The following STEAP3 variants were observed in gnomAD, a reference collection of about 807,000 sequenced individuals.
The protein encoded by STEAP3 is STEAP3 metalloreductase, also known as metalloreductase STEAP3.
Under a neutral mutation model 34.9 loss-of-function variants are expected in STEAP3, and 35 were observed. The ratio of observed to expected loss-of-function variants is 1.00; its 90% CI spans 0.76 to 1.33. The LOEUF (loss-of-function observed/expected upper bound fraction) is 1.33. Among genes scored for constraint, STEAP3 ranks in the 40% most tolerant of loss-of-function variants. The pLI, the probability that STEAP3 is intolerant of heterozygous loss-of-function variation, is 0.00. For synonymous variants in STEAP3, 281 were observed against 301.6 expected (o/e 0.93, Z 0.71); for missense variants, 652 against 667.6 (o/e 0.98, Z 0.26).
chr2:119,235,263 G>T (rs998784820), intron 2 of STEAP3, among the ~76,000 whole-genome samples: 1 of 152,206 alleles, frequency 6.6e-6, no homozygotes, highest in Non-Finnish European at 1.5e-5. Flanking sequence ...CCAGCTCTGG[G>T]CAGCCAAGGG....
chr2:119,227,351 A>G (rs1490416262), intron 1 of STEAP3, among the ~76,000 whole-genome samples: 1 of 152,160 alleles, frequency 6.6e-6, no homozygotes, highest in Non-Finnish European at 1.5e-5. Flanking sequence ...GTTCCTCTTC[A>G]GGTGTGGCCT....
chr2:119,247,538 C>A, intron 3 of STEAP3, 141 bp from the exon 4 acceptor site: 1 of 1,006,706 alleles, frequency 9.9e-7, no homozygotes, highest in Non-Finnish European at 1.4e-6. Context: ...ACCCCATTGG[C>A]TCCCACCTGT....
In STEAP3 at chr2:119,245,867, A is replaced by G; in HGVS notation, c.401A>G (p.Gln134Arg). 6.2e-7 allele frequency: 1 copy of G among 1,614,196 alleles called. No individual in the cohort carries two copies. Among genetic ancestry groups the G allele is most frequent in the Non-Finnish European group, 8.5e-7 (1 of 1,180,046 alleles). ...VSNPTEQEHL[Q>R]HRESNAEYLA... ...AACCCTACAGAGCAAGAGCACCTTCAGCATCGTGAGTCCAATGCTGAGTAC... is the reference window on the plus strand; with the variant it reads ...AACCCTACAGAGCAAGAGCACCTTCGGCATCGTGAGTCCAATGCTGAGTAC... Residue 134 changes from glutamine to arginine, a missense_variant, in exon 3 of 6, where the codon CAG becomes CGG. Gln to Arg is a conservative substitution (Grantham distance 43). Transcript: ENST00000393110.
At chr2:119,244,226 AT>A (rs1484846567) in intron 2 of STEAP3, among the ~76,000 whole-genome samples, 1 of 634 alleles carries the variant, frequency 1.6e-3, no homozygotes. Flanking sequence ...TTTTATTATT[AT>A]TATTATTATT....
intron 5 of STEAP3, among the ~76,000 whole-genome samples, chr2:119,260,964 G>C (rs962126228): frequency 9.2e-5 from 14 of 152,168 alleles, no homozygotes; most frequent in African/African-American, 2.9e-4. Flanking sequence ...GGTTTTATTT[G>C]GTTATTTTAC....
At chr2:119,260,988 TGTTGAAC>T (rs1250210520) in intron 5 of STEAP3, among the ~76,000 whole-genome samples, 1 of 152,210 alleles carries the variant, frequency 6.6e-6, no homozygotes, top group Non-Finnish European at 1.5e-5. Context: ...GGCCCAAGAA[TGTTGAAC>T]GTGAGAACCT....
At chr2:119,247,553 T>C (rs1429805127) in intron 3 of STEAP3, 126 bp from the exon 4 acceptor site, 15 of 1,141,316 alleles carry the variant, frequency 1.3e-5, no homozygotes, top group Admixed American at 5.8e-5. Context: ...ACCTGTACCA[T>C]TGACTGGCAG....
intron 2 of STEAP3, among the ~76,000 whole-genome samples, chr2:119,238,803 C>G (rs771787691): frequency 1.3e-5 from 2 of 152,120 alleles, no homozygotes; most frequent in Non-Finnish European, 2.9e-5. Context: ...TGATTTTGTA[C>G]TGCATTTTGG....
chr2:119,262,912 G>T (rs1465190293), intron 5 of STEAP3, 145 bp from the exon 6 acceptor site: 2 of 1,019,148 alleles, frequency 2.0e-6, no homozygotes, highest in Admixed American at 4.2e-5. Flanking sequence ...CACTAAGAGA[G>T]TGACAGGACT....
In STEAP3 at chr2:119,245,882, A is replaced by G. The variant is rs769407405; in HGVS notation, c.416A>G (p.Asn139Ser). The G allele has an allele frequency of 4.4e-5, 71 of 1,614,114 alleles. 1 individual carries two copies. The highest frequency in any genetic ancestry group is 1.6e-4 in the Middle Eastern group (1 of 6,062). The change falls in exon 3 of 6, where the codon AAT becomes AGT. Residue 139 changes from asparagine (N) to serine (S), a missense_variant. Transcript: ENST00000393110. ...GAGCACCTTCAGCATCGTGAGTCCA[A>G]TGCTGAGTACCTGGCCTCCCTCTTC... ...EQEHLQHRES[N>S]AEYLASLFPT...
At position 119,251,733 on chromosome 2, in the gene STEAP3, C is replaced by T. The variant is rs1016723355; in HGVS notation, c.1051-2951C>T. Among the ~76,000 whole-genome samples the T allele has an allele frequency of 3.9e-5, 6 of 152,192 alleles. No individual in the cohort carries two copies. The East Asian group carries it at 5.8e-4, about 15-fold the overall frequency. On this transcript the variant is annotated intron_variant, in intron 4 of 5. Transcript: ENST00000393110. ...AGCCTCATCTCCCCTTCTCCTGTGA[C>T]GTGTCAACACTTGGGTCCCATACTG...
intron 2 of STEAP3, among the ~76,000 whole-genome samples, chr2:119,238,353 G>A (rs1349504044): frequency 1.3e-5 from 2 of 152,188 alleles, no homozygotes; most frequent in South Asian, 2.1e-4. Flanking sequence ...GTGTGAAGTG[G>A]TATCTCATTG....
At chr2:119,224,922 T>C (rs1678991781) in intron 1 of STEAP3, among the ~76,000 whole-genome samples, 1 of 152,162 alleles carries the variant, frequency 6.6e-6, no homozygotes, top group Non-Finnish European at 1.5e-5. Flanking sequence ...GTCCACGTAT[T>C]TTGCAAGGAT....
intron 2 of STEAP3, among the ~76,000 whole-genome samples, chr2:119,231,372 T>A (rs1314977671): frequency 6.6e-6 from 1 of 150,786 alleles, no homozygotes; most frequent in Non-Finnish European, 1.5e-5. Flanking sequence ...TGTGTGTGTG[T>A]GTGTGTGTGT....
chr2:119,249,649 G>T (rs929365051), intron 4 of STEAP3, among the ~76,000 whole-genome samples: 6 of 152,076 alleles, frequency 3.9e-5, no homozygotes, highest in Non-Finnish European at 2.9e-5. Context: ...CCGAGCATGG[G>T]GGATTGGCAG....
Position 119,247,856 on chromosome 2 carries a change from G to T in STEAP3, c.700G>T (p.Val234Phe), listed in dbSNP as rs139584756. 1.9e-6 allele frequency: 3 copies of T among 1,613,558 alleles called. No individual in the cohort carries two copies. Among genetic ancestry groups the T allele is most frequent in the African/African-American group, 1.3e-5 (1 of 74,916 alleles). The change falls in exon 4 of 6, where the codon GTC becomes TTC. Residue 234 changes from valine to phenylalanine, a missense_variant. Transcript: ENST00000393110. ...CACCCTGCTGGCCCTGGGGCTCTTC[G>T]TCTGCTTCTATGCCTACAACTTCGT... ...VPTLLALGLFVCFYAYNFVRD... is the reference protein window; with the variant it reads ...VPTLLALGLFFCFYAYNFVRD...
At chr2:119,243,475 C>G (rs992343205) in intron 2 of STEAP3, among the ~76,000 whole-genome samples, 1 of 152,164 alleles carries the variant, frequency 6.6e-6, no homozygotes, top group Non-Finnish European at 1.5e-5. Flanking sequence ...AAACAAGTTC[C>G]TGAGCCTCCC....
In STEAP3 at chr2:119,245,956, C is replaced by G; in HGVS notation, c.490C>G (p.Leu164Val). ...CTTCAATGTCATCTCTGCCTGGACC[C>G]TGCAGGCTGGCCCAAGGGATGGTAA... ...KAFNVISAWT[L>V]QAGPRDGNRQ... The change falls in exon 3 of 6, where the codon CTG (leucine) becomes GTG (valine). Residue 164 changes from leucine to valine, a missense_variant. Leu to Val is a conservative substitution (Grantham distance 32). Transcript: ENST00000393110. 1.9e-6 allele frequency: 3 copies of G among 1,613,566 alleles called. No individual in the cohort carries two copies. Among genetic ancestry groups the G allele is most frequent in the Non-Finnish European group, 2.5e-6 (3 of 1,179,890 alleles).
chr2:119,256,734 G>A (rs187436042), intron 5 of STEAP3, among the ~76,000 whole-genome samples: 47 of 152,304 alleles, frequency 3.1e-4, no homozygotes, highest in African/African-American at 1.1e-3. Flanking sequence ...AAAACCAGAT[G>A]TCAATATGGA....
Sources: allele counts gnomAD v4.1 joint callset (sites outside exome capture counted in the v4.1 genomes callset), GRCh38; gene constraint gnomAD v4.1.1; transcripts MANE v1.5; gene names NCBI Gene and HGNC (gene_info 2026-07-23, HGNC 2026-07-21).